The following RBFOX1 variants were observed in gnomAD, a reference collection of about 807,000 sequenced individuals.
The protein encoded by RBFOX1 is RNA binding fox-1 homolog 1, also known as RNA binding protein fox-1 homolog 1.
RBFOX1 carries 8 observed loss-of-function variants against 57.7 expected under a neutral mutation model. The ratio of observed to expected loss-of-function variants is 0.14; its 90% CI spans 0.08 to 0.25. RBFOX1 has a LOEUF of 0.25. RBFOX1 is among the 10% of genes least tolerant of loss of function. The pLI, the probability that RBFOX1 is intolerant of heterozygous loss-of-function variation, is 1.00. For synonymous variants in RBFOX1, 326 were observed against 222.4 expected, an observed-to-expected ratio of 1.47 and a Z score of -4.15; for missense variants, 611 against 548.5, an observed-to-expected ratio of 1.11 and a Z score of -1.14.
At chr16:5,498,523 C>A (rs1597309321) in intron 2 of RBFOX1, among the ~76,000 whole-genome samples, 1 of 152,154 alleles carries the variant, frequency 6.6e-6, no homozygotes, top group South Asian at 2.1e-4. Flanking sequence ...TAGAAGATCA[C>A]ACTGCCTGCT....
intron 4 of RBFOX1, among the ~76,000 whole-genome samples, chr16:7,157,857 G>A (rs980226024): frequency 2.0e-5 from 3 of 152,118 alleles, no homozygotes; most frequent in Non-Finnish European, 2.9e-5. Context: ...CTTCAGGGAG[G>A]ACAAATATAT....
intron 3 of RBFOX1, among the ~76,000 whole-genome samples, chr16:6,795,754 A>T (rs1438342883): frequency 6.7e-6 from 1 of 150,038 alleles, no homozygotes; most frequent in African/African-American, 2.5e-5. Flanking sequence ...TGACAGAGTG[A>T]AACTCCATCT....
At position 7,043,661 on chromosome 16, in the gene RBFOX1, C is replaced by G. The variant is rs566341050; in HGVS notation, c.-15-8396C>G. Among the ~76,000 whole-genome samples, 5 of 152,316 alleles carry G rather than the reference C, an allele frequency of 3.3e-5. No homozygotes were observed. The South Asian group carries it at 1.0e-3, about 32-fold the overall frequency. Reference sequence around the variant, plus strand: ...AAGTGATTCATAATTGTCCTGAAAACTGGATTTTCCAACATTCTATTATTG... The same window carrying G: ...AAGTGATTCATAATTGTCCTGAAAAGTGGATTTTCCAACATTCTATTATTG... On this transcript the variant is annotated intron_variant, in intron 3 of 15. Transcript: ENST00000550418.
chr16:6,549,316 AG>A (rs2096943217), intron 2 of RBFOX1, among the ~76,000 whole-genome samples: 1 of 5,252 alleles, frequency 1.9e-4, no homozygotes, highest in Non-Finnish European at 3.7e-4. Context: ...GAAAAGGAGG[AG>A]GGGAGGAGGG....
At chr16:7,443,214 A>T (rs1223232295) in intron 4 of RBFOX1, among the ~76,000 whole-genome samples, 1 of 151,924 alleles carries the variant, frequency 6.6e-6, no homozygotes, top group Non-Finnish European at 1.5e-5. Flanking sequence ...CCTTTTTTTT[A>T]AATATTAAAA....
chr16:5,787,415 C>T (rs963919800), intron 3 of RBFOX1, among the ~76,000 whole-genome samples: 7 of 152,158 alleles, frequency 4.6e-5, no homozygotes, highest in Admixed American at 1.3e-4. Context: ...CCATTGTAAG[C>T]CTCTCTACAA....
chr16:7,628,906 C>A (rs947167607), intron 10 of RBFOX1, among the ~76,000 whole-genome samples: 1 of 152,184 alleles, frequency 6.6e-6, no homozygotes. Context: ...AGCCACTACA[C>A]CTGGCCGATA....
intron 4 of RBFOX1, among the ~76,000 whole-genome samples, chr16:5,921,544 G>C (rs1488129615): frequency 6.6e-6 from 1 of 152,172 alleles, no homozygotes; most frequent in African/African-American, 2.4e-5. Flanking sequence ...CACTGATATT[G>C]ATAAGACTAT....
intron 1 of RBFOX1, among the ~76,000 whole-genome samples, chr16:5,284,891 T>A (rs931394364): frequency 4.0e-5 from 6 of 151,736 alleles, no homozygotes; most frequent in African/African-American, 1.5e-4. Flanking sequence ...TTGCTGTTTT[T>A]AGAATTTTCT....
intron 4 of RBFOX1, among the ~76,000 whole-genome samples, chr16:7,281,989 C>G (rs189931184): frequency 6.6e-6 from 1 of 152,128 alleles, no homozygotes; most frequent in African/African-American, 2.4e-5. Flanking sequence ...CCTCAGCGTC[C>G]GGAGTAGCTG....
intron 3 of RBFOX1, among the ~76,000 whole-genome samples, chr16:6,916,573 A>G (rs943875171): frequency 6.6e-6 from 1 of 151,950 alleles, no homozygotes; most frequent in Non-Finnish European, 1.5e-5. Context: ...CCCATAAATC[A>G]TCGTGACCTA....
intron 2 of RBFOX1, among the ~76,000 whole-genome samples, chr16:6,443,928 G>C (rs1290289617): frequency 6.6e-6 from 1 of 152,044 alleles, no homozygotes; most frequent in Admixed American, 6.6e-5. Context: ...ATGTTCTACA[G>C]TAGAGCCAAA....
chr16:6,451,986 C>G (rs1567306586), intron 2 of RBFOX1, among the ~76,000 whole-genome samples: 2 of 150,690 alleles, frequency 1.3e-5, no homozygotes, highest in South Asian at 2.1e-4. Flanking sequence ...ATGACTCTAT[C>G]CATGGTTCCA....
chr16:6,373,196 G>A (rs376320223), intron 2 of RBFOX1, among the ~76,000 whole-genome samples: 8,584 of 147,554 alleles, frequency 0.058, no homozygotes, highest in Middle Eastern at 0.16. Context: ...GAGATTCAGC[G>A]GAAGTGTATA....
intron 2 of RBFOX1, among the ~76,000 whole-genome samples, chr16:6,551,070 C>T (rs1474973962): frequency 2.0e-5 from 3 of 152,122 alleles, no homozygotes; most frequent in Non-Finnish European, 4.4e-5. Context: ...AATTTTGCCT[C>T]CTGGACCCAT....
intron 2 of RBFOX1, among the ~76,000 whole-genome samples, chr16:5,488,084 T>C (rs1445790541): frequency 1.3e-5 from 2 of 150,640 alleles, no homozygotes; most frequent in African/African-American, 4.9e-5. Flanking sequence ...TAATGGAGGA[T>C]TATGGTGATG....
At chr16:6,890,221 T>A (rs1209207205) in intron 3 of RBFOX1, among the ~76,000 whole-genome samples, 1 of 152,156 alleles carries the variant, frequency 6.6e-6, no homozygotes, top group Non-Finnish European at 1.5e-5. Flanking sequence ...AAAATATTGT[T>A]ATGAAAACCT....
chr16:7,136,841 T>G (rs558291664), intron 4 of RBFOX1, among the ~76,000 whole-genome samples: 3 of 152,332 alleles, frequency 2.0e-5, no homozygotes, highest in East Asian at 3.9e-4. Context: ...CCAGAGGGGT[T>G]AATGCTACAT....
At chr16:6,112,635 G>A (rs1336228510) in intron 1 of RBFOX1, among the ~76,000 whole-genome samples, 1 of 152,144 alleles carries the variant, frequency 6.6e-6, no homozygotes, top group African/African-American at 2.4e-5. Context: ...AGGTTGCGGT[G>A]AGCTGAGATC....
Sources: allele counts gnomAD v4.1 joint callset (sites outside exome capture counted in the v4.1 genomes callset), GRCh38; gene constraint gnomAD v4.1.1; transcripts MANE v1.5; gene names NCBI Gene and HGNC (gene_info 2026-07-23, HGNC 2026-07-21).